GABRG3: variants seen among roughly 807,000 people sequenced by gnomAD.
The protein encoded by GABRG3 is gamma-aminobutyric acid receptor subunit gamma-3.
Under a neutral mutation model 48.8 loss-of-function variants are expected in GABRG3, and 25 were observed. The observed-to-expected ratio is 0.51, with a 90% CI of 0.37 to 0.72. The LOEUF is 0.72. Among genes scored for constraint, GABRG3 ranks in the 30% least tolerant of loss-of-function variants. The pLI is 0.00. For synonymous variants in GABRG3, 227 were observed against 217.6 expected, an observed-to-expected ratio of 1.04 and a Z score of -0.38; for missense variants, 394 against 577.9, an observed-to-expected ratio of 0.68 and a Z score of 3.26.
intron 5 of GABRG3, among the ~76,000 whole-genome samples, chr15:27,432,479 A>G (rs998305153): frequency 1.3e-5 from 2 of 152,154 alleles, no homozygotes; most frequent in African/African-American, 4.8e-5. Flanking sequence ...ATTTCTGTCT[A>G]GCATTCTTTC....
In GABRG3 at chr15:27,541,722, C is replaced by G. The variant is rs936166933; in HGVS notation, c.*8841C>G. On this transcript the variant is annotated 3_prime_UTR_variant, in exon 10 of 10. Coordinates refer to ENST00000615808, the MANE Select transcript of GABRG3 (RefSeq NM_033223.5). ...AGGGATTGGAGGCCCTGGCTCCGGGCGGTCCCGAGGTCCCGCCGCCCTCCT... is the reference window on the plus strand; with the variant it reads ...AGGGATTGGAGGCCCTGGCTCCGGGGGGTCCCGAGGTCCCGCCGCCCTCCT... The G allele has an allele frequency of 6.6e-6, 1 of 152,274 alleles. No individual in the cohort carries two copies. Among genetic ancestry groups the G allele is most frequent in the African/African-American group, 2.4e-5 (1 of 41,464 alleles). 9.4% of individuals were successfully genotyped at this position (152,274 alleles called of 1,614,324 possible). A position where few individuals can be genotyped will look rare whatever the true frequency, so the allele number is the denominator to read the frequency against.
rs149372257 is a variant in GABRG3, at chr15:27,348,202, C to T, written c.574+19314C>T. On this transcript the variant is annotated intron_variant, in intron 5 of 9. Coordinates refer to ENST00000615808, the MANE Select transcript of GABRG3 (RefSeq NM_033223.5). Reference sequence around the variant, plus strand: ...TTTTCAAAGGCAGGTGTCATTAAAACTTGAAACCAAAGATTGCTGACTGAA... The same window carrying T: ...TTTTCAAAGGCAGGTGTCATTAAAATTTGAAACCAAAGATTGCTGACTGAA... Among the ~76,000 whole-genome samples, 40 of 145,092 alleles carry T rather than the reference C, an allele frequency of 2.8e-4. No individual in the cohort carries two copies. In the East Asian group the frequency reaches 6.9e-3, roughly 25 times the overall value.
At chr15:27,501,219 A>G (rs142050033) in intron 6 of GABRG3, among the ~76,000 whole-genome samples, 6,624 of 152,150 alleles carry the variant, frequency 0.044, 197 homozygotes, top group Non-Finnish European at 0.064. Flanking sequence ...CCAAAGTGCT[A>G]GGATTACAGG....
intron 3 of GABRG3, among the ~76,000 whole-genome samples, chr15:27,142,414 AATG>A (rs931741636): frequency 3.2e-4 from 49 of 152,294 alleles, no homozygotes; most frequent in African/African-American, 1.1e-3. Context: ...CAAAGAGAGA[AATG>A]ATGAGGAAGA....
chr15:27,516,295 T>A (rs1891017054), intron 6 of GABRG3, among the ~76,000 whole-genome samples: 1 of 152,198 alleles, frequency 6.6e-6, no homozygotes, highest in Non-Finnish European at 1.5e-5. Context: ...TAAAGAATAA[T>A]TTTATGTTCT....
At chr15:27,174,563 C>T (rs938149993) in intron 3 of GABRG3, among the ~76,000 whole-genome samples, 2 of 148,808 alleles carry the variant, frequency 1.3e-5, no homozygotes, top group African/African-American at 2.6e-5. Flanking sequence ...CAGTGTGGAC[C>T]AGTGACTGCC....
At chr15:27,346,320 T>G (rs1894373622) in intron 5 of GABRG3, among the ~76,000 whole-genome samples, 1 of 152,174 alleles carries the variant, frequency 6.6e-6, no homozygotes, top group Non-Finnish European at 1.5e-5. Context: ...ATGTTAAAAT[T>G]TACACCCTTC....
intron 3 of GABRG3, among the ~76,000 whole-genome samples, chr15:27,218,775 C>T (rs570222295): frequency 2.6e-4 from 39 of 152,252 alleles, no homozygotes; most frequent in Non-Finnish European, 5.0e-4. Flanking sequence ...GATTTTGAAC[C>T]GCTGCGACTG....
intron 3 of GABRG3, among the ~76,000 whole-genome samples, chr15:27,163,049 C>A (rs1887249378): frequency 6.6e-6 from 1 of 151,992 alleles, no homozygotes; most frequent in Admixed American, 6.5e-5. Flanking sequence ...CTTGCCCTCG[C>A]CAGTCTCAGT....
At chr15:27,212,186 G>T (rs1463769832) in intron 3 of GABRG3, among the ~76,000 whole-genome samples, 1 of 152,170 alleles carries the variant, frequency 6.6e-6, no homozygotes, top group African/African-American at 2.4e-5. Flanking sequence ...AGGACCTAAA[G>T]GGGAAGACAA....
intron 6 of GABRG3, among the ~76,000 whole-genome samples, chr15:27,519,256 A>G (rs11631143): frequency 0.56 from 84,810 of 151,918 alleles, 23,824 homozygotes; most frequent in East Asian, 0.67. Flanking sequence ...GAGAAAATGT[A>G]CAATGTATTA....
At chr15:27,528,819 G>T (rs1316794943) in intron 9 of GABRG3, among the ~76,000 whole-genome samples, 1 of 151,956 alleles carries the variant, frequency 6.6e-6, no homozygotes, top group Non-Finnish European at 1.5e-5. Flanking sequence ...TGGTGTATAT[G>T]TTACATATTA....
chr15:27,059,861 T>C (rs988161482), intron 3 of GABRG3, among the ~76,000 whole-genome samples: 1 of 152,226 alleles, frequency 6.6e-6, no homozygotes, highest in East Asian at 1.9e-4. Flanking sequence ...GAGTGCTCTT[T>C]CCTTAAGGAT....
chr15:27,524,600 AG>A (rs1289356379), intron 7 of GABRG3, among the ~76,000 whole-genome samples: 1 of 152,140 alleles, frequency 6.6e-6, no homozygotes, highest in Non-Finnish European at 1.5e-5. Flanking sequence ...ATCAAGGAAG[AG>A]TAAGGGGAAA....
Position 26,975,436 on chromosome 15 carries a change from G to A in GABRG3, c.54-1566G>A, listed in dbSNP as rs946495895. Among the ~76,000 whole-genome samples the A allele has an allele frequency of 5.3e-5, 8 of 152,096 alleles. No individual in the cohort carries two copies. Among genetic ancestry groups the A allele is most frequent in the East Asian group, 3.9e-4 (2 of 5,180 alleles). ...ACTTTAAGATCAGCCTAGGAAAAACGTAAGTGGGGAAGTCATTCTTTGAGA... is the reference window on the plus strand; with the variant it reads ...ACTTTAAGATCAGCCTAGGAAAAACATAAGTGGGGAAGTCATTCTTTGAGA... On this transcript the variant is annotated intron_variant, in intron 1 of 9. Transcript: ENST00000615808. This position sits in a 1 kb window ranked among gnomAD's most constrained non-coding sequence, Gnocchi z 4.6.
chr15:27,270,329 G>A (rs866449951), intron 3 of GABRG3, among the ~76,000 whole-genome samples: 11 of 152,236 alleles, frequency 7.2e-5, no homozygotes, highest in African/African-American at 2.6e-4. Flanking sequence ...TTTAAAATAC[G>A]AACGTTGGTG....
At position 27,448,860 on chromosome 15, in the gene GABRG3, T is replaced by TAA. The variant is rs1251999397; in HGVS notation, c.575-31787_575-31786dup. On this transcript the variant is annotated intron_variant, in intron 5 of 9. Transcript: ENST00000615808. ...AAAAAAAAAACAGATAAAAATTATT[T>TAA]AAAAGTAGCCACCTTATTGTATGGT... is the stretch of plus-strand genomic sequence containing the variant. Among the ~76,000 whole-genome samples, 32 of 152,288 alleles carry TAA rather than the reference T, an allele frequency of 2.1e-4. No homozygotes were observed. In the East Asian group the frequency reaches 5.8e-3, roughly 28 times the overall value.
At position 27,477,215 on chromosome 15, in the gene GABRG3, T is replaced by C. The variant is rs868473294; in HGVS notation, c.575-3435T>C. ...TCAGTAGGTGAATTAATAAATAAAA[T>C]GCAATACATCTAGATAATGGAAATT... On this transcript the variant is annotated intron_variant, in intron 5 of 9. Coordinates refer to ENST00000615808, the MANE Select transcript of GABRG3 (RefSeq NM_033223.5). Among the ~76,000 whole-genome samples, 31 of 152,264 alleles carry C rather than the reference T, an allele frequency of 2.0e-4. 1 individual carries two copies. The Middle Eastern group carries it at 0.02, about 100-fold the overall frequency.
chr15:27,249,004 G>C (rs1312409425), intron 3 of GABRG3, among the ~76,000 whole-genome samples: 1 of 152,066 alleles, frequency 6.6e-6, no homozygotes, highest in African/African-American at 2.4e-5. Context: ...AAGCAAGGGA[G>C]ACCCACTGTT....
Sources: gnomAD v4.1 joint callset for allele counts (sites outside exome capture counted in the v4.1 genomes callset) on GRCh38, gnomAD v4.1.1 for gene constraint, Gnocchi (gnomAD v3.1) non-coding constraint, MANE v1.5 for transcripts, NCBI Gene and HGNC (gene_info 2026-07-23, HGNC 2026-07-21) for gene names.